Variants in ABCC1 observed in about 807,000 individuals in gnomAD.
ABCC1 encodes multidrug resistance-associated protein 1.
In ABCC1, 83 loss-of-function variants were observed where a neutral mutation model predicts 172.9. That is an observed-to-expected ratio of 0.48 (90% CI 0.40 to 0.58). The LOEUF (loss-of-function observed/expected upper bound fraction) is 0.58. Ranked by LOEUF, ABCC1 falls within the 20% of genes least tolerant of loss-of-function variation. The pLI, the probability that ABCC1 is intolerant of heterozygous loss-of-function variation, is 0.00. For missense variants in ABCC1, 1,817 were observed against 2,002.7 expected, an observed-to-expected ratio of 0.91 and a Z score of 1.77; for synonymous variants, 937 against 825.2, an observed-to-expected ratio of 1.14 and a Z score of -2.32.
chr16:16,034,987 A>G (rs1426416975), intron 6 of ABCC1, among the ~76,000 whole-genome samples: 2 of 152,220 alleles, frequency 1.3e-5, no homozygotes, highest in East Asian at 1.9e-4. Flanking sequence ...TGATACTGCA[A>G]ACGTGGCAAC....
chr16:16,133,372 T>TTTTG (rs1555504066), intron 27 of ABCC1, among the ~76,000 whole-genome samples: 18 of 148,670 alleles, frequency 1.2e-4, no homozygotes, highest in Non-Finnish European at 1.9e-4. Context: ...CTTGCTGTCT[T>TTTTG]TTTTTGTTTT....
In ABCC1 at chr16:16,056,199, G is replaced by A. The variant is rs982021540; in HGVS notation, c.1581G>A (p.Lys527=). 6.2e-7 allele frequency: 1 copy of A among 1,614,198 alleles called. No individual in the cohort carries two copies. The highest frequency in any genetic ancestry group is 8.5e-7 in the Non-Finnish European group (1 of 1,180,040). Residue 527 remains lysine, a synonymous_variant, in exon 12 of 31, where the codon AAG becomes AAA. Coordinates refer to ENST00000399410, the MANE Select transcript of ABCC1 (RefSeq NM_004996.4). ...LYAWELAFKD[K]VLAIRQEELK... is the part of the protein sequence containing the mutation. ...CCTGGGAGCTGGCATTCAAGGACAAGGTGCTGGCCATCAGGCAGGAGGAGC... is the reference window on the plus strand; with the variant it reads ...CCTGGGAGCTGGCATTCAAGGACAAAGTGCTGGCCATCAGGCAGGAGGAGC...
chr16:16,100,361 GA>G (rs200669908), intron 19 of ABCC1, among the ~76,000 whole-genome samples: 1,392 of 9,020 alleles, frequency 0.15, 18 homozygotes, highest in East Asian at 0.36. Context: ...GCTGGTAGGA[GA>G]GCGGGGGGGC....
At chr16:16,030,132 T>C (rs372814717) in intron 5 of ABCC1, among the ~76,000 whole-genome samples, 1 of 152,210 alleles carries the variant, frequency 6.6e-6, no homozygotes, top group South Asian at 2.1e-4. Flanking sequence ...AAAATACTTG[T>C]TTCTTTCCGC....
intron 17 of ABCC1, among the ~76,000 whole-genome samples, chr16:16,084,833 C>T (rs902414721): frequency 4.6e-5 from 7 of 152,146 alleles, no homozygotes; most frequent in Non-Finnish European, 7.3e-5. Flanking sequence ...GTTGGCCATG[C>T]TGATCTTGAA....
At chr16:16,111,619 C>T in intron 22 of ABCC1, 37 bp downstream of exon 22, 1 of 1,575,524 alleles carries the variant, frequency 6.3e-7, no homozygotes, top group Non-Finnish European at 8.7e-7. Context: ...CTGATTTGGG[C>T]CCCTGTTGTG....
At chr16:16,110,686 G>C (rs1402014102) in intron 21 of ABCC1, among the ~76,000 whole-genome samples, 1 of 152,182 alleles carries the variant, frequency 6.6e-6, no homozygotes, top group Non-Finnish European at 1.5e-5. Flanking sequence ...ACTGCACCCA[G>C]CCTTGGTTTA....
At chr16:15,958,987 C>T (rs1430676554) in intron 1 of ABCC1, among the ~76,000 whole-genome samples, 1 of 152,156 alleles carries the variant, frequency 6.6e-6, no homozygotes, top group East Asian at 1.9e-4. Flanking sequence ...CCGAAAATGC[C>T]TCTAGATGTT....
intron 23 of ABCC1, among the ~76,000 whole-genome samples, chr16:16,115,869 A>C (rs1041438113): frequency 1.3e-5 from 2 of 151,354 alleles, no homozygotes; most frequent in Non-Finnish European, 2.9e-5. Flanking sequence ...AAATCTTACC[A>C]TATTTATACA....
chr16:16,118,992 C>T (rs534626283), intron 23 of ABCC1, among the ~76,000 whole-genome samples: 82 of 151,262 alleles, frequency 5.4e-4, no homozygotes, highest in African/African-American at 1.9e-3. Flanking sequence ...TTAACAGGAC[C>T]GTGGAGAAAT....
At chr16:16,042,046 T>C (rs780214423) in intron 7 of ABCC1, among the ~76,000 whole-genome samples, 8 of 152,094 alleles carry the variant, frequency 5.3e-5, no homozygotes, top group African/African-American at 7.2e-5. Flanking sequence ...CAGTGCTTCA[T>C]TGGTTTGTGT....
chr16:16,112,989 T>C (rs977731449), intron 22 of ABCC1, among the ~76,000 whole-genome samples: 1 of 152,182 alleles, frequency 6.6e-6, no homozygotes, highest in African/African-American at 2.4e-5. Context: ...GCCTATTGGG[T>C]GTCTTCCCGA....
intron 10 of ABCC1, among the ~76,000 whole-genome samples, chr16:16,052,462 A>C (rs2049471364): frequency 6.6e-6 from 1 of 151,980 alleles, no homozygotes; most frequent in Admixed American, 6.6e-5. Context: ...CTGCAGTTGT[A>C]ATTTGCAAAA....
intron 20 of ABCC1, among the ~76,000 whole-genome samples, chr16:16,105,714 CTTT>C (rs71137912): frequency 1.0e-4 from 13 of 130,368 alleles, no homozygotes; most frequent in Middle Eastern, 3.7e-3. Context: ...CTTTTCTTTT[CTTT>C]TTTTTTTTTT....
Position 16,086,990 on chromosome 16 carries a change from A to G in ABCC1, c.2459A>G (p.Lys820Arg), listed in dbSNP as rs1194508286. 1 of 1,614,038 alleles carries G rather than the reference A, an allele frequency of 6.2e-7. No individual in the cohort carries two copies. The highest frequency in any genetic ancestry group is 1.7e-5 in the Admixed American group (1 of 59,986). The change falls in exon 18 of 31, where the codon AAG becomes AGG. Residue 820 changes from lysine to arginine, a missense_variant and splice_region_variant. Lys to Arg is a conservative substitution (Grantham distance 26, BLOSUM62 2). Around this residue, in one of 3 missense-constraint regions of ABCC1, gnomAD observed 1,412 missense variants for 1,600.3 expected, o/e 0.88. Transcript: ENST00000399410. Reference sequence around the variant, plus strand: ...GGCCCCAAGGGGATGCTGAAGAACAAGGTGCCTGCTGGCGGGGTGGGGCTT... The same window carrying G: ...GGCCCCAAGGGGATGCTGAAGAACAGGGTGCCTGCTGGCGGGGTGGGGCTT... ...VIGPKGMLKN[K>R]TRILVTHSMS...
intron 21 of ABCC1, 65 bp from the exon 22 acceptor site, chr16:16,111,310 G>GTTGGGC: frequency 7.8e-7 from 1 of 1,285,178 alleles, no homozygotes; most frequent in Non-Finnish European, 1.1e-6. Context: ...CCCCGACCTT[G>GTTGGGC]TGGGGCTGGG....
chr16:16,083,575 A>G, intron 17 of ABCC1, 33 bp downstream of exon 17: 4 of 1,590,392 alleles, frequency 2.5e-6, no homozygotes, highest in Non-Finnish European at 3.4e-6. Flanking sequence ...CCCCTGAATC[A>G]GTCAGCTGTT....
intron 7 of ABCC1, among the ~76,000 whole-genome samples, chr16:16,038,446 A>G (rs1445688585): frequency 6.6e-6 from 1 of 152,172 alleles, no homozygotes; most frequent in African/African-American, 2.4e-5. Flanking sequence ...CTGATGTTCA[A>G]GGGTGGGAGA....
intron 14 of ABCC1, among the ~76,000 whole-genome samples, chr16:16,073,897 C>T (rs928547979): frequency 2.0e-5 from 3 of 152,176 alleles, no homozygotes; most frequent in Admixed American, 6.5e-5. Context: ...GTGTAAACGT[C>T]GGTTATACCG....
Sources: allele counts gnomAD v4.1 joint callset (sites outside exome capture counted in the v4.1 genomes callset), GRCh38; gene constraint gnomAD v4.1.1; regional missense constraint gnomAD v4.1.1; transcripts MANE v1.5; gene names NCBI Gene and HGNC (gene_info 2026-07-23, HGNC 2026-07-21).